PCDHGA5: variants seen among roughly 807,000 people sequenced by gnomAD.
PCDHGA5 encodes protocadherin gamma-A5.
Under a neutral mutation model 56.7 loss-of-function variants are expected in PCDHGA5, and 36 were observed. The observed-to-expected ratio is 0.64, with a 90% CI of 0.49 to 0.84. PCDHGA5 has a LOEUF of 0.84. Among genes scored for constraint, PCDHGA5 ranks in the 40% least tolerant of loss-of-function variants. The probability of loss-of-function intolerance (pLI) is 0.00; values close to 1 mark genes in which losing one functional copy is unlikely to be tolerated. For missense variants in PCDHGA5, 1,305 were observed against 1,201.5 expected (o/e 1.09, Z -1.27); for synonymous variants, 563 against 520.2 (o/e 1.08, Z -1.12).
At chr5:141,440,484 A>G (rs190024112) in intron 1 of PCDHGA5, 36 of 152,300 alleles carry the variant, frequency 2.4e-4, no homozygotes, top group Non-Finnish European at 4.7e-4. Context: ...AATTCTTTAA[A>G]TGTTTTTCAC....
intron 1 of PCDHGA5, chr5:141,478,777 C>T: frequency 6.7e-7 from 1 of 1,488,806 alleles, no homozygotes. Context: ...CATCTGTGGA[C>T]CTAATTCACA....
chr5:141,419,397 T>G (rs1280096838), intron 1 of PCDHGA5: 3 of 1,613,312 alleles, frequency 1.9e-6, no homozygotes. Flanking sequence ...CAGAGCGGGG[T>G]GGTGTTCGCG....
chr5:141,401,654 G>T (rs566223613), intron 1 of PCDHGA5, among the ~76,000 whole-genome samples: 52 of 152,328 alleles, frequency 3.4e-4, no homozygotes, highest in Middle Eastern at 3.4e-3. Flanking sequence ...TAAATGACTG[G>T]ATGTTTTCTC....
rs368437640 is a variant in PCDHGA5, at chr5:141,365,739, C to A, written c.1409C>A (p.Ser470Tyr). ...SVTENNPRGV[S>Y]IFSVTAHDPD... ...ACAGAAAACAATCCCAGAGGTGTCT[C>A]TATCTTCTCTGTGACAGCCCATGAC... The change falls in exon 1 of 4, where the codon TCT (serine) becomes TAT (tyrosine). Residue 470 changes from serine to tyrosine, a missense_variant. Physicochemically the swap from Ser to Tyr is moderately radical, Grantham distance 144. Coordinates refer to ENST00000518069, the MANE Select transcript of PCDHGA5 (RefSeq NM_018918.3). 107 of 1,613,792 alleles carry A rather than the reference C, an allele frequency of 6.6e-5. No homozygotes were observed. Among genetic ancestry groups the A allele is most frequent in the Non-Finnish European group, 9.0e-5 (106 of 1,179,874 alleles).
At position 141,392,979 on chromosome 5, in the gene PCDHGA5, C is replaced by A. The variant is rs1356713892; in HGVS notation, c.2421+26228C>A. 1.9e-6 allele frequency: 3 copies of A among 1,613,718 alleles called. No individual in the cohort carries two copies. In the South Asian group the frequency reaches 3.3e-5, roughly 18 times the overall value. ...TATCTCCAAGGACCTGGGGCTGGACCCCCGGAAGCTGGCGAAGCACGGAGT... is the reference window on the plus strand; with the variant it reads ...TATCTCCAAGGACCTGGGGCTGGACACCCGGAAGCTGGCGAAGCACGGAGT... On this transcript the variant is annotated intron_variant, in intron 1 of 3. Transcript: ENST00000518069.
At position 141,365,361 on chromosome 5, in the gene PCDHGA5, C is replaced by CGT; in HGVS notation, c.1031_1032insGT (p.Pro345SerfsTer4). 6.2e-7 allele frequency: 1 copy of CGT among 1,613,832 alleles called. No homozygotes were observed. Among genetic ancestry groups the CGT allele is most frequent in the African/African-American group, 1.3e-5 (1 of 74,904 alleles). On this transcript the variant is annotated frameshift_variant, in exon 1 of 4. Transcript: ENST00000518069. LOFTEE classifies it high-confidence loss of function. ...ACAGTACAGGACGTGAATGACAATG[C>CGT]CCCCGAAGTGATCCTCACCTCTCTG...
intron 1 of PCDHGA5, among the ~76,000 whole-genome samples, chr5:141,459,937 G>A (rs904431112): frequency 6.6e-6 from 1 of 152,132 alleles, no homozygotes; most frequent in Non-Finnish European, 1.5e-5. Flanking sequence ...TTGTAGCTGG[G>A]CGTGATGGCA....
At chr5:141,409,217 G>A (rs1394491727) in intron 1 of PCDHGA5, 1 of 1,613,852 alleles carries the variant, frequency 6.2e-7, no homozygotes, top group Non-Finnish European at 8.5e-7. Context: ...AGAAATCCTT[G>A]ATGAAAACGA....
chr5:141,436,501 G>A (rs1382579407), intron 1 of PCDHGA5, among the ~76,000 whole-genome samples: 1 of 152,118 alleles, frequency 6.6e-6, no homozygotes, highest in Admixed American at 6.5e-5. Context: ...TTGCAATTAG[G>A]TAAATTGTTA....
rs1244735686 is a variant in PCDHGA5 at position 141,432,142 on chromosome 5, C to A, written c.2422-62665C>A. 1 of 1,614,098 alleles carries A rather than the reference C, an allele frequency of 6.2e-7. No homozygotes were observed. The highest frequency in any genetic ancestry group is 1.1e-5 in the South Asian group (1 of 91,066). On this transcript the variant is annotated intron_variant, in intron 1 of 3. Transcript: ENST00000518069. This position sits in a 1 kb window ranked among gnomAD's most constrained non-coding sequence, Gnocchi z 6.0. ...CTCAGGCCTCCTATTCCGCTTATAT[C>A]CCAGAGAACAATCCCAGAGGAGTTT...
chr5:141,391,780 T>C (rs1004185174), intron 1 of PCDHGA5: 1 of 152,220 alleles, frequency 6.6e-6, no homozygotes, highest in Non-Finnish European at 1.5e-5. Context: ...TAGTCATTAC[T>C]TTTTGCAGTT....
chr5:141,414,721 G>A (rs373261988), intron 1 of PCDHGA5: 29 of 1,614,004 alleles, frequency 1.8e-5, no homozygotes, highest in Middle Eastern at 1.6e-4. Flanking sequence ...CTCAGACACT[G>A]GCGTCCTGTA....
At chr5:141,415,740 GTTTTTTTTTTTTT>G (rs57426385) in intron 1 of PCDHGA5, 160 of 625,000 alleles carry the variant, frequency 2.6e-4, no homozygotes, top group Middle Eastern at 1.1e-3. Context: ...GTTTATTAAG[GTTTTTTTTTTTTT>G]TTTTTTTTTT....
At chr5:141,481,860 G>A (rs1379910129) in intron 1 of PCDHGA5, among the ~76,000 whole-genome samples, 1 of 148,492 alleles carries the variant, frequency 6.7e-6, no homozygotes, top group Non-Finnish European at 1.5e-5. Context: ...GTTGCAGTGA[G>A]CCGAGATCGC....
intron 1 of PCDHGA5, among the ~76,000 whole-genome samples, chr5:141,370,068 G>A (rs988277757): frequency 9.9e-5 from 15 of 152,192 alleles, no homozygotes; most frequent in Non-Finnish European, 1.9e-4. Flanking sequence ...TTTTAAAATG[G>A]GAAGAAAGTA....
Position 141,432,488 on chromosome 5 carries a change from C to G in PCDHGA5, c.2422-62319C>G. 6.2e-7 allele frequency: 1 copy of G among 1,614,202 alleles called. No homozygotes were observed. Among genetic ancestry groups the G allele is most frequent in the Non-Finnish European group, 8.5e-7 (1 of 1,180,048 alleles). On this transcript the variant is annotated intron_variant, in intron 1 of 3. Coordinates refer to ENST00000518069, the MANE Select transcript of PCDHGA5 (RefSeq NM_018918.3). This position sits in a 1 kb window ranked among gnomAD's most constrained non-coding sequence, Gnocchi z 6.0. ...CACGGACGGTTCCACTGGCGTGGAGCTGGCTCCCCGCTCCGCAGAGCCCGG... is the reference window on the plus strand; with the variant it reads ...CACGGACGGTTCCACTGGCGTGGAGGTGGCTCCCCGCTCCGCAGAGCCCGG...
At chr5:141,481,913 C>CAAAAA (rs34114744) in intron 1 of PCDHGA5, among the ~76,000 whole-genome samples, 2 of 90,852 alleles carry the variant, frequency 2.2e-5, no homozygotes, top group Non-Finnish European at 4.4e-5. Flanking sequence ...AACTCCATCT[C>CAAAAA]AAAAAAAAAA....
chr5:141,511,381 G>A lies in PCDHGA5; in HGVS notation c.*208G>A, dbSNP rs545793377. 97 of 1,170,372 alleles carry A rather than the reference G, an allele frequency of 8.3e-5. No homozygotes were observed. In the East Asian group the frequency reaches 9.2e-4, roughly 11 times the overall value. 72.5% of individuals were successfully genotyped at this position (1,170,372 alleles called of 1,614,324 possible). On this transcript the variant is annotated 3_prime_UTR_variant, in exon 4 of 4. Transcript: ENST00000518069. ...GGGTTGAATATGCAAAAGCAGTTCC[G>A]CTGGGAACCCCCATCCAATCAACTG...
chr5:141,410,104 C>T, intron 1 of PCDHGA5: 1 of 1,612,582 alleles, frequency 6.2e-7, no homozygotes, highest in African/African-American at 1.3e-5. Context: ...CCTTAGGCGA[C>T]AGGGACGCAG....
Sources: allele counts gnomAD v4.1 joint callset (sites outside exome capture counted in the v4.1 genomes callset), GRCh38; gene constraint gnomAD v4.1.1; non-coding constraint Gnocchi (gnomAD v3.1); transcripts MANE v1.5; gene names NCBI Gene and HGNC (gene_info 2026-07-23, HGNC 2026-07-21).